Variants in GSE1 observed in about 807,000 individuals in gnomAD.
GSE1 encodes genetic suppressor element 1.
Under a neutral mutation model 112.6 loss-of-function variants are expected in GSE1, and 32 were observed. That is an observed-to-expected ratio of 0.28 (90% CI 0.21 to 0.38). The LOEUF is 0.38. Ranked by LOEUF, GSE1 falls within the 10% of genes least tolerant of loss-of-function variation. The probability of loss-of-function intolerance (pLI) is 1.00; values close to 1 mark genes in which losing one functional copy is unlikely to be tolerated. For synonymous variants in GSE1, 1,115 were observed against 735.6 expected (o/e 1.52, Z -8.35); for missense variants, 2,348 against 1,699.2 (o/e 1.38, Z -6.71).
At chr16:85,241,381 G>T (rs762817883) in intron 1 of GSE1, among the ~76,000 whole-genome samples, 1 of 152,342 alleles carries the variant, frequency 6.6e-6, no homozygotes, top group Non-Finnish European at 1.5e-5. Flanking sequence ...GGCCCTCTCT[G>T]TCTCTGCCCC....
chr16:85,567,721 T>A (rs1015225958), intron 1 of GSE1, among the ~76,000 whole-genome samples: 4 of 152,190 alleles, frequency 2.6e-5, no homozygotes, highest in African/African-American at 2.4e-5. Flanking sequence ...GAGTTAGGCT[T>A]CATCTCTTTT....
At chr16:85,518,903 C>T (rs539012130) in intron 2 of GSE1, among the ~76,000 whole-genome samples, 33 of 152,282 alleles carry the variant, frequency 2.2e-4, no homozygotes, top group South Asian at 8.3e-4. Flanking sequence ...CACACACCCC[C>T]GTTTTGTCCT....
At chr16:85,280,252 T>C (rs915469533) in intron 1 of GSE1, among the ~76,000 whole-genome samples, 4 of 152,178 alleles carry the variant, frequency 2.6e-5, no homozygotes, top group Admixed American at 2.6e-4. Context: ...TGCTTTCCAT[T>C]GGCCAGGTGA....
At chr16:85,209,092 C>G (rs964700253) in intron 1 of GSE1, among the ~76,000 whole-genome samples, 2 of 142,560 alleles carry the variant, frequency 1.4e-5, no homozygotes, top group African/African-American at 2.6e-5. Flanking sequence ...GTGTTGGGGT[C>G]TGCCGCGTGA....
At chr16:85,368,073 C>T (rs1237276376) in intron 2 of GSE1, among the ~76,000 whole-genome samples, 2 of 152,070 alleles carry the variant, frequency 1.3e-5, no homozygotes, top group African/African-American at 2.4e-5. Context: ...GGGCTGGTCT[C>T]GAACTCTCGA....
chr16:85,340,748 C>G (rs2046607771), intron 1 of GSE1, among the ~76,000 whole-genome samples: 2 of 152,176 alleles, frequency 1.3e-5, no homozygotes, highest in Non-Finnish European at 2.9e-5. Context: ...AACAGAGACA[C>G]TTCCTGCAGG....
chr16:85,476,885 CTACAGGTG>C lies in GSE1; in HGVS notation c.2464+119244_2464+119251del, dbSNP rs1480119024. On this transcript the variant is annotated intron_variant, in intron 2 of 2. Coordinates refer to the GSE1 transcript ENST00000637419. ...ACCTTGGCCTTCCAAAGTGTCGAGG[CTACAGGTG>C]TGAGCTACCATGCCTGGCATCGTAT... Among the ~76,000 whole-genome samples the C allele has an allele frequency of 2.7e-4, 40 of 150,054 alleles. No homozygotes were observed. In the South Asian group the frequency reaches 8.0e-3, roughly 30 times the overall value.
intron 8 of GSE1, among the ~76,000 whole-genome samples, chr16:85,660,653 C>G (rs187445244): frequency 6.7e-6 from 1 of 150,118 alleles, no homozygotes; most frequent in Non-Finnish European, 1.5e-5. Flanking sequence ...TTTTTTGAGA[C>G]GGAGTCTTGC....
intron 2 of GSE1, among the ~76,000 whole-genome samples, chr16:85,365,248 C>T (rs2047162976): frequency 6.6e-6 from 1 of 152,198 alleles, no homozygotes; most frequent in African/African-American, 2.4e-5. Context: ...TTAGAGATCA[C>T]GGCGTCCTGG....
intron 1 of GSE1, among the ~76,000 whole-genome samples, chr16:85,178,751 G>C (rs915988495): frequency 5.3e-5 from 8 of 151,978 alleles, no homozygotes; most frequent in African/African-American, 1.9e-4. Context: ...GGTCTTGGGG[G>C]CAGTGATGGT....
At chr16:85,643,419 G>C (rs1030590549) in intron 2 of GSE1, among the ~76,000 whole-genome samples, 7 of 152,208 alleles carry the variant, frequency 4.6e-5, no homozygotes, top group African/African-American at 1.7e-4. Context: ...GCGGGGATTA[G>C]GCCGCTGAGT....
intron 1 of GSE1, among the ~76,000 whole-genome samples, chr16:85,333,536 C>CT (rs2046420002): frequency 6.6e-6 from 1 of 152,266 alleles, no homozygotes; most frequent in Non-Finnish European, 1.5e-5. Flanking sequence ...GGTCAGGTGC[C>CT]TGAGGCCAGC....
chr16:85,614,902 G>A (rs2048273985), intron 1 of GSE1, among the ~76,000 whole-genome samples: 1 of 152,186 alleles, frequency 6.6e-6, no homozygotes, highest in Non-Finnish European at 1.5e-5. Flanking sequence ...CGCACTCCGG[G>A]TGGAAGCGAA....
At chr16:85,261,290 A>G (rs1907657611) in intron 1 of GSE1, among the ~76,000 whole-genome samples, 1 of 152,108 alleles carries the variant, frequency 6.6e-6, no homozygotes. Context: ...CCTTGGGGGC[A>G]GGAGGCCTGG....
At chr16:85,428,829 C>G (rs1435058978) in intron 2 of GSE1, among the ~76,000 whole-genome samples, 1 of 152,186 alleles carries the variant, frequency 6.6e-6, no homozygotes, top group Non-Finnish European at 1.5e-5. Flanking sequence ...AAAATCGATT[C>G]TGCTTCCAGT....
chr16:85,611,474 C>T (rs2047978860), upstream of GSE1: 23 of 985,144 alleles, frequency 2.3e-5, no homozygotes, highest in South Asian at 1.9e-4. Flanking sequence ...GGTGAGCTGG[C>T]GGGTCGTGCG....
intron 1 of GSE1, among the ~76,000 whole-genome samples, chr16:85,203,191 C>A (rs550540191): frequency 4.0e-5 from 6 of 149,850 alleles, no homozygotes; most frequent in Non-Finnish European, 7.4e-5. Context: ...ACCCCCTTTC[C>A]ATCTTTGCTC....
At chr16:85,652,555 G>A (rs971316417) in intron 3 of GSE1, among the ~76,000 whole-genome samples, 24 of 152,016 alleles carry the variant, frequency 1.6e-4, no homozygotes, top group Admixed American at 1.3e-3. Context: ...AGGCGGCGGC[G>A]GCGGCGGCGG....
intron 2 of GSE1, among the ~76,000 whole-genome samples, chr16:85,493,508 C>G (rs988306228): frequency 6.6e-6 from 1 of 151,888 alleles, no homozygotes; most frequent in African/African-American, 2.4e-5. Context: ...AATCCCAGCA[C>G]TTTGGGAGGC....
Sources: allele counts gnomAD v4.1 joint callset (sites outside exome capture counted in the v4.1 genomes callset), GRCh38; gene constraint gnomAD v4.1.1; transcripts MANE v1.5; gene names NCBI Gene and HGNC (gene_info 2026-07-23, HGNC 2026-07-21).